The following DLG4 variants were observed in gnomAD, a reference collection of about 807,000 sequenced individuals.
DLG4 encodes the protein disks large homolog 4.
Under a neutral mutation model 93.8 loss-of-function variants are expected in DLG4, and 7 were observed. That is an observed-to-expected ratio of 0.07 (90% CI 0.04 to 0.14). DLG4 has a LOEUF of 0.14. Among genes scored for constraint, DLG4 ranks in the 10% least tolerant of loss-of-function variants. DLG4 has a pLI of 1.00. For missense variants in DLG4, 545 were observed against 992.9 expected, an observed-to-expected ratio of 0.55 and a Z score of 6.06; for synonymous variants, 341 against 387.6, an observed-to-expected ratio of 0.88 and a Z score of 1.41.
chr17:7,219,162 A>G, upstream of DLG4: 1 of 427,476 alleles, frequency 2.3e-6, no homozygotes, highest in Non-Finnish European at 4.2e-6. Context: ...CTCTCACCCC[A>G]ATGAGAATTG....
chr17:7,210,636 G>A (rs939529893), intron 1 of DLG4, among the ~76,000 whole-genome samples: 1 of 152,308 alleles, frequency 6.6e-6, no homozygotes, highest in South Asian at 2.1e-4. Flanking sequence ...TTGAGACCTG[G>A]GGGAAGGGGT....
chr17:7,214,637 A>AC (rs1262230612), intron 1 of DLG4, among the ~76,000 whole-genome samples: 5 of 150,202 alleles, frequency 3.3e-5, no homozygotes, highest in Non-Finnish European at 5.9e-5. Flanking sequence ...CTGTATCCCC[A>AC]CCCCCACTTG....
At chr17:7,219,444 C>CTACA, upstream of DLG4, 1 of 1,023,992 alleles carries the variant, frequency 9.8e-7, no homozygotes, top group Non-Finnish European at 1.2e-6. Context: ...AGTGAATGGC[C>CTACA]TACATCTCAG....
rs780463632 is a variant in DLG4 at position 7,193,460 on chromosome 17, C to T, written c.1693+23G>A. On this transcript the variant is annotated intron_variant, in intron 16 of 19. Coordinates refer to ENST00000399506, the MANE Select transcript of DLG4 (RefSeq NM_001321075.3). This position sits in a 1 kb window ranked among gnomAD's most constrained non-coding sequence, Gnocchi z 6.7. ...CCCACCCCCACTTCCACCTTCTCCTCCATCCAAGGCCCCAGCACTCACGGG... is the reference window on the plus strand; with the variant it reads ...CCCACCCCCACTTCCACCTTCTCCTTCATCCAAGGCCCCAGCACTCACGGG... The T allele has an allele frequency of 6.6e-7, 1 of 1,515,856 alleles. No homozygotes were observed. The allele number at this position is 1,515,856 out of a possible 1,614,324, so 93.9% of individuals were successfully genotyped here.
chr17:7,211,542 A>T, intron 1 of DLG4: 1 of 289,132 alleles, frequency 3.5e-6, no homozygotes, highest in Non-Finnish European at 5.1e-6. Context: ...AGAAGTTGCA[A>T]CCCAGAGACC....
Position 7,217,209 on chromosome 17 carries a change from C to T in DLG4, c.-62G>A, listed in dbSNP as rs994279885. 5 of 1,263,246 alleles carry T rather than the reference C, an allele frequency of 4.0e-6. No individual in the cohort carries two copies. Among genetic ancestry groups the T allele is most frequent in the Non-Finnish European group, 5.0e-6 (5 of 997,414 alleles). The allele number at this position is 1,263,246 out of a possible 1,614,324, so 78.3% of individuals were successfully genotyped here. A position where few individuals can be genotyped will look rare whatever the true frequency, so the allele number is the denominator to read the frequency against. ...CTGACTTCATCGGAGTTTCGTTCCT[C>T]CCCTCCGTGGGTTCTCACCCCTCCC... On this transcript the variant is annotated 5_prime_UTR_variant, in exon 1 of 20. Transcript: ENST00000399506.
At chr17:7,190,899 G>C in intron 19 of DLG4, 85 bp from the exon 20 acceptor site, 1 of 1,099,378 alleles carries the variant, frequency 9.1e-7, no homozygotes. Flanking sequence ...CCAGAGGAAG[G>C]GGCACCTCTT....
At chr17:7,201,289 A>G (rs1377679509) in intron 8 of DLG4, among the ~76,000 whole-genome samples, 2 of 152,214 alleles carry the variant, frequency 1.3e-5, no homozygotes, top group Non-Finnish European at 2.9e-5. Context: ...AAATGTAACT[A>G]TTCTCCTTGT....
At chr17:7,212,634 G>A (rs567696383) in intron 1 of DLG4, among the ~76,000 whole-genome samples, 66 of 152,152 alleles carry the variant, frequency 4.3e-4, no homozygotes, top group African/African-American at 1.5e-3. Context: ...TAGCAATCTC[G>A]TCAATTTTTT....
In DLG4 at chr17:7,192,937, G is replaced by A; in HGVS notation, c.1866+8C>T. 1 of 1,608,658 alleles carries A rather than the reference G, an allele frequency of 6.2e-7. No individual in the cohort carries two copies. The highest frequency in any genetic ancestry group is 8.5e-7 in the Non-Finnish European group (1 of 1,177,326). On this transcript the variant is annotated splice_region_variant and intron_variant, in intron 17 of 19. Coordinates refer to ENST00000399506, the MANE Select transcript of DLG4 (RefSeq NM_001321075.3). ...AAGGAAGAGGACCGGGTGCCCGCCA[G>A]GTCCTACCTGCTCTGCCACCTCTCG... is the stretch of plus-strand genomic sequence containing the variant.
At position 7,192,004 on chromosome 17, in the gene DLG4, T is replaced by C; in HGVS notation, c.1867-2A>G. 1.5e-6 allele frequency: 2 copies of C among 1,378,648 alleles called. No individual in the cohort carries two copies. The highest frequency in any genetic ancestry group is 2.8e-5 in the Admixed American group (1 of 36,242). 85.4% of individuals were successfully genotyped at this position (1,378,648 alleles called of 1,614,324 possible). A position where few individuals can be genotyped will look rare whatever the true frequency, so the allele number is the denominator to read the frequency against. On this transcript the variant is annotated splice_acceptor_variant, in intron 17 of 19. Transcript: ENST00000399506. LOFTEE classifies it high-confidence loss of function. ...GACATCGAGGATGCAGTGCTTCCCC[T>C]GGGGGCAGGCAGGGTGGGCGGAGGG...
chr17:7,219,362 G>A (rs2071077609), upstream of DLG4: 2 of 1,004,762 alleles, frequency 2.0e-6, no homozygotes, highest in African/African-American at 3.5e-5. Context: ...AGGTCTCAGA[G>A]GCTTTACTAA....
upstream of DLG4, chr17:7,218,341 CCT>C (rs1403659969): frequency 8.4e-6 from 13 of 1,542,436 alleles, no homozygotes; most frequent in Admixed American, 7.4e-5. Context: ...GCACATCACC[CCT>C]GTCATCACCG....
chr17:7,190,441 G>A lies in DLG4; in HGVS notation c.*267C>T, dbSNP rs1200316181. On this transcript the variant is annotated 3_prime_UTR_variant, in exon 20 of 20. Transcript: ENST00000399506. ...GTGTGCATTGGGGGCAGGTGGGGGC[G>A]GGGATCCTAAGGAGCAAGGGCTCGG... The A allele has an allele frequency of 2.3e-5, 11 of 471,880 alleles. No individual in the cohort carries two copies. Among genetic ancestry groups the A allele is most frequent in the East Asian group, 1.1e-4 (3 of 26,488 alleles). The allele number at this position is 471,880 out of a possible 1,614,324, so 29.2% of individuals were successfully genotyped here.
chr17:7,213,908 C>T, intron 1 of DLG4: 1 of 469,872 alleles, frequency 2.1e-6, no homozygotes, highest in Non-Finnish European at 4.4e-6. Flanking sequence ...ACCAGAGGAT[C>T]CAAGGAGTCA....
chr17:7,218,724 G>T, upstream of DLG4: 1 of 1,557,204 alleles, frequency 6.4e-7, no homozygotes, highest in Non-Finnish European at 8.8e-7. Context: ...CCCAGACTGT[G>T]CCCTTCACCC....
In DLG4 at chr17:7,193,556, A is replaced by G; in HGVS notation, c.1620T>C (p.Leu540=). 1 of 1,533,140 alleles carries G rather than the reference A, an allele frequency of 6.5e-7. No homozygotes were observed. The highest frequency in any genetic ancestry group is 1.8e-4 in the Middle Eastern group (1 of 5,656). The allele number at this position is 1,533,140 out of a possible 1,614,324, so 95.0% of individuals were successfully genotyped here. ...EVHYARPIII[L]GPTKDRANDD... is the part of the protein sequence containing the mutation. ...CGTTGGCGCGGTCCTTGGTGGGCCC[A>G]AGGATGATGATGGGGCGAGCATAGT... The change falls in exon 16 of 20, where the codon CTT becomes CTC. Residue 540 remains leucine (L), a synonymous_variant. Coordinates refer to ENST00000399506, the MANE Select transcript of DLG4 (RefSeq NM_001321075.3). The surrounding 1 kb of genome is among the most constrained non-coding windows in gnomAD (Gnocchi z 6.7).
At position 7,193,137 on chromosome 17, in the gene DLG4, C is replaced by T. The variant is rs1231237550; in HGVS notation, c.1694-20G>A. On this transcript the variant is annotated intron_variant, in intron 16 of 19. Coordinates refer to ENST00000399506, the MANE Select transcript of DLG4 (RefSeq NM_001321075.3). This position sits in a 1 kb window ranked among gnomAD's most constrained non-coding sequence, Gnocchi z 6.7. ...TCGTATCTGCCAGGAAGTCACCCCA[C>T]CCCCCAAAGATCTAACCACCATCCC... is the stretch of plus-strand genomic sequence containing the variant. 1.2e-5 allele frequency: 19 copies of T among 1,612,548 alleles called. No individual in the cohort carries two copies. The South Asian group carries it at 1.4e-4, about 12-fold the overall frequency.
At chr17:7,204,432 C>T in intron 2 of DLG4, 180 bp from the exon 3 acceptor site, 2 of 619,364 alleles carry the variant, frequency 3.2e-6, no homozygotes, top group South Asian at 2.0e-5. Flanking sequence ...CACGCGTGCA[C>T]ATGCGCACGC....
Sources: gnomAD v4.1 joint callset for allele counts (sites outside exome capture counted in the v4.1 genomes callset) on GRCh38, gnomAD v4.1.1 for gene constraint, Gnocchi (gnomAD v3.1) non-coding constraint, MANE v1.5 for transcripts, NCBI Gene and HGNC (gene_info 2026-07-23, HGNC 2026-07-21) for gene names.